Variants in BTBD1 observed in about 807,000 individuals in gnomAD.
The protein encoded by BTBD1 is BTB domain containing 1.
BTBD1 carries 34 observed loss-of-function variants against 48.0 expected under a neutral mutation model. That is an observed-to-expected ratio of 0.71 (90% confidence interval 0.54 to 0.94). The LOEUF (loss-of-function observed/expected upper bound fraction) is 0.94. Ranked by LOEUF, BTBD1 falls within the 40% of genes least tolerant of loss-of-function variation. BTBD1 has a pLI of 0.00. For missense variants in BTBD1, 543 were observed against 625.6 expected (o/e 0.87, Z 1.41); for synonymous variants, 261 against 242.1 (o/e 1.08, Z -0.72).
Position 83,030,217 on chromosome 15 carries a change from A to T in BTBD1, c.974T>A (p.Leu325His), listed in dbSNP as rs1389176376. 11 of 1,613,902 alleles carry T rather than the reference A, an allele frequency of 6.8e-6. No individual in the cohort carries two copies. The highest frequency in any genetic ancestry group is 9.3e-6 in the Non-Finnish European group (11 of 1,180,028). The change falls in exon 5 of 8, where the codon CTC becomes CAC. Residue 325 changes from leucine to histidine, a missense_variant. Leu to His is a moderately conservative substitution (Grantham distance 99). Transcript: ENST00000261721. Reference sequence around the variant, plus strand: ...ATTGATGCAGCATTCCTTTCCCCTGAGACAGCATCTTGGTCGGTCAATGTA... The same window carrying T: ...ATTGATGCAGCATTCCTTTCCCCTGTGACAGCATCTTGGTCGGTCAATGTA... ...VEYIDRPRCC[L>H]RGKECCINRF...
chr15:83,032,969 C>CAAAAAAAAAAAAAAAA (rs56152195), intron 4 of BTBD1, among the ~76,000 whole-genome samples: 9 of 86,994 alleles, frequency 1.0e-4, no homozygotes, highest in African/African-American at 4.5e-4. Flanking sequence ...TACTCTGTCT[C>CAAAAAAAAAAAAAAAA]AAAAAAAAAA....
At chr15:83,065,605 G>A (rs539463179) in intron 1 of BTBD1, among the ~76,000 whole-genome samples, 1 of 152,236 alleles carries the variant, frequency 6.6e-6, no homozygotes, top group African/African-American at 2.4e-5. Context: ...ATAACAACAC[G>A]TTCTACTCAG....
intron 4 of BTBD1, among the ~76,000 whole-genome samples, chr15:83,036,309 G>A (rs1453926448): frequency 6.6e-6 from 1 of 152,044 alleles, no homozygotes; most frequent in Admixed American, 6.6e-5. Context: ...AAAAATTATT[G>A]GCATATTCAA....
intron 6 of BTBD1, 81 bp from the exon 7 acceptor site, chr15:83,018,934 A>G: frequency 2.2e-6 from 2 of 912,726 alleles, no homozygotes; most frequent in Non-Finnish European, 3.0e-6. Flanking sequence ...GCCCTTAGCA[A>G]TGTGTGCGTG....
intron 2 of BTBD1, 61 bp from the exon 3 acceptor site, chr15:83,050,239 T>C: frequency 1.0e-6 from 1 of 991,762 alleles, no homozygotes; most frequent in Admixed American, 2.2e-5. Flanking sequence ...AGACTGTACA[T>C]ATTTGAAATT....
intron 3 of BTBD1, among the ~76,000 whole-genome samples, chr15:83,044,952 T>C (rs1388820895): frequency 6.6e-6 from 1 of 152,128 alleles, no homozygotes; most frequent in Non-Finnish European, 1.5e-5. Flanking sequence ...GGTTAATAAA[T>C]AAATGTGTTT....
intron 4 of BTBD1, among the ~76,000 whole-genome samples, chr15:83,035,704 GGAAA>G (rs1186965825): frequency 1.3e-5 from 2 of 151,380 alleles, no homozygotes; most frequent in African/African-American, 2.4e-5. Context: ...AGCAAAGAAA[GGAAA>G]GAAAGTAATA....
intron 5 of BTBD1, among the ~76,000 whole-genome samples, chr15:83,024,593 G>A (rs920356125): frequency 3.3e-5 from 5 of 152,092 alleles, no homozygotes; most frequent in Admixed American, 2.0e-4. Context: ...GATCAGTAAG[G>A]ATCTAACTTA....
At chr15:83,060,425 A>C (rs2033157495) in intron 1 of BTBD1, among the ~76,000 whole-genome samples, 1 of 151,120 alleles carries the variant, frequency 6.6e-6, no homozygotes, top group Admixed American at 6.6e-5. Context: ...CATGTCCTCA[A>C]ATTAGTCCTA....
intron 1 of BTBD1, among the ~76,000 whole-genome samples, chr15:83,062,853 T>C (rs1394446158): frequency 6.6e-6 from 1 of 152,126 alleles, no homozygotes; most frequent in Non-Finnish European, 1.5e-5. Flanking sequence ...CATTCTCTGT[T>C]CCCCTTTGCA....
chr15:83,020,831 T>A (rs2032280972), intron 5 of BTBD1, 69 bp from the exon 6 acceptor site: 1 of 995,236 alleles, frequency 1.0e-6, no homozygotes, highest in Non-Finnish European at 1.5e-6. Flanking sequence ...GGTTATAATT[T>A]TTTTTAAGTG....
intron 3 of BTBD1, among the ~76,000 whole-genome samples, chr15:83,049,249 C>T (rs2032933966): frequency 6.6e-6 from 1 of 152,114 alleles, no homozygotes; most frequent in African/African-American, 2.4e-5. Flanking sequence ...GCCATTTCGA[C>T]ACACCAAAGA....
chr15:83,058,527 T>G (rs1001938757), intron 1 of BTBD1, among the ~76,000 whole-genome samples: 2 of 152,078 alleles, frequency 1.3e-5, no homozygotes, highest in Non-Finnish European at 2.9e-5. Context: ...GAGACTCACT[T>G]GAATCTGGGA....
At chr15:83,060,852 T>G (rs1380845751) in intron 1 of BTBD1, among the ~76,000 whole-genome samples, 1 of 152,188 alleles carries the variant, frequency 6.6e-6, no homozygotes, top group African/African-American at 2.4e-5. Flanking sequence ...ATACTTGATT[T>G]TATATAAGAA....
At chr15:83,034,904 T>C (rs1410373708) in intron 4 of BTBD1, among the ~76,000 whole-genome samples, 3 of 152,202 alleles carry the variant, frequency 2.0e-5, no homozygotes, top group Admixed American at 1.3e-4. Context: ...ATAGATATAG[T>C]ATTCAATCTG....
At chr15:83,039,409 T>C (rs1178949704) in intron 4 of BTBD1, among the ~76,000 whole-genome samples, 1 of 152,126 alleles carries the variant, frequency 6.6e-6, no homozygotes, top group Non-Finnish European at 1.5e-5. Flanking sequence ...GGAATTCGTG[T>C]TCACTGATGG....
chr15:83,023,979 C>T (rs1304717616), intron 5 of BTBD1: 1 of 152,174 alleles, frequency 6.6e-6, no homozygotes, highest in Non-Finnish European at 1.5e-5. Context: ...GCGATCCTCC[C>T]AACTCAGCCC....
chr15:83,020,449 A>G, intron 6 of BTBD1: 3 of 414,852 alleles, frequency 7.2e-6, no homozygotes, highest in Non-Finnish European at 1.3e-5. Flanking sequence ...TCCTGGACAA[A>G]GAAGAGCTCC....
chr15:83,039,604 C>G (rs1403848412), intron 4 of BTBD1, among the ~76,000 whole-genome samples: 1 of 151,916 alleles, frequency 6.6e-6, no homozygotes, highest in African/African-American at 2.4e-5. Context: ...GAAACCCCAT[C>G]TCTACCAAAA....
Sources: gnomAD v4.1 joint callset for allele counts (sites outside exome capture counted in the v4.1 genomes callset) on GRCh38, gnomAD v4.1.1 for gene constraint, MANE v1.5 for transcripts, NCBI Gene and HGNC (gene_info 2026-07-23, HGNC 2026-07-21) for gene names.